The following RABGGTA variants were observed in gnomAD, a reference collection of about 807,000 sequenced individuals.
RABGGTA encodes the protein geranylgeranyl transferase type-2 subunit alpha.
In RABGGTA, 69 loss-of-function variants were observed where a neutral mutation model predicts 83.3. The observed-to-expected ratio is 0.83, with a 90% CI of 0.68 to 1.01. The LOEUF is 1.01. RABGGTA is among the 50% of genes least tolerant of loss of function. The pLI is 0.00. For synonymous variants in RABGGTA, 310 were observed against 299.8 expected, an observed-to-expected ratio of 1.03 and a Z score of -0.35; for missense variants, 681 against 712.7, an observed-to-expected ratio of 0.96 and a Z score of 0.51.
intron 15 of RABGGTA, 85 bp downstream of exon 15, chr14:24,266,691 T>A (rs1165051220): frequency 2.2e-6 from 3 of 1,355,970 alleles, no homozygotes; most frequent in Admixed American, 1.7e-5. Context: ...GTCCTGCACA[T>A]CTCCTTGTAG....
rs767542837 is a variant in RABGGTA, at chr14:24,268,710, C to T, written c.900+15G>A. 1.9e-6 allele frequency: 3 copies of T among 1,603,262 alleles called. No homozygotes were observed. The highest frequency in any genetic ancestry group is 1.7e-6 in the Non-Finnish European group (2 of 1,174,458). Reference sequence around the variant, plus strand: ...GCCCCAGACCCCAACTTCTGCCCCACCAATCCTGGGATACCCAGACATGGC... The same window carrying T: ...GCCCCAGACCCCAACTTCTGCCCCATCAATCCTGGGATACCCAGACATGGC... On this transcript the variant is annotated intron_variant, in intron 9 of 16. Coordinates refer to ENST00000216840, the MANE Select transcript of RABGGTA (RefSeq NM_182836.3).
At position 24,268,908 on chromosome 14, in the gene RABGGTA, C is replaced by T. The variant is rs1433805056; in HGVS notation, c.798+3G>A. On this transcript the variant is annotated splice_donor_region_variant and intron_variant, in intron 8 of 16. Coordinates refer to ENST00000216840, the MANE Select transcript of RABGGTA (RefSeq NM_182836.3). ...TGCTCTTGACAAAAGCTGCAGGACTCACTAAGAGGGGCCGAGAGAAGGAGA... is the reference window on the plus strand; with the variant it reads ...TGCTCTTGACAAAAGCTGCAGGACTTACTAAGAGGGGCCGAGAGAAGGAGA... The T allele has an allele frequency of 4.4e-6, 7 of 1,582,202 alleles. No individual in the cohort carries two copies. Among genetic ancestry groups the T allele is most frequent in the Non-Finnish European group, 5.2e-6 (6 of 1,163,652 alleles).
At chr14:24,268,221 G>C in intron 11 of RABGGTA, 23 bp from the exon 12 acceptor site, 1 of 1,607,380 alleles carries the variant, frequency 6.2e-7, no homozygotes, top group Non-Finnish European at 8.5e-7. Flanking sequence ...AGGGTGGGGA[G>C]GAGTTGAGGC....
Position 24,269,714 on chromosome 14 carries a change from GC to G in RABGGTA, c.428-21del. 1.2e-6 allele frequency: 2 copies of G among 1,611,668 alleles called. No individual in the cohort carries two copies. The highest frequency in any genetic ancestry group is 1.7e-6 in the Non-Finnish European group (2 of 1,178,110). The stretch of plus-strand genomic sequence containing the variant: ...AGTGAACTGGAGGGGAGAGGTGACA[GC>G]ATATCTTAGAGGCAGGGCAAGAGGA... On this transcript the variant is annotated intron_variant, in intron 5 of 16. Coordinates refer to ENST00000216840, the MANE Select transcript of RABGGTA (RefSeq NM_182836.3).
chr14:24,268,910 C>CT lies in RABGGTA; in HGVS notation c.798dup (p.Val267SerfsTer13). 1 of 1,582,624 alleles carries CT rather than the reference C, an allele frequency of 6.3e-7. No individual in the cohort carries two copies. The highest frequency in any genetic ancestry group is 8.6e-7 in the Non-Finnish European group (1 of 1,163,798). ...CTCTTGACAAAAGCTGCAGGACTCA[C>CT]TAAGAGGGGCCGAGAGAAGGAGACA... is the stretch of plus-strand genomic sequence containing the variant. On this transcript the variant is annotated frameshift_variant and splice_region_variant. Coordinates refer to ENST00000216840, the MANE Select transcript of RABGGTA (RefSeq NM_182836.3). LOFTEE classifies it high-confidence loss of function.
rs1382617166 is a variant in RABGGTA at position 24,268,799 on chromosome 14, G to T, written c.826C>A (p.Leu276Ile). The change falls in exon 9 of 17, where the codon CTC (leucine) becomes ATC (isoleucine). Residue 276 changes from leucine to isoleucine, a missense_variant. By Grantham distance (5) the Leu-to-Ile change is conservative (BLOSUM62 2). Transcript: ENST00000216840. ...ATCAGGGGAGAATCATCAACCATGAGCAGCAAGATCTCCATCCTGGAGCCC... is the reference window on the plus strand; with the variant it reads ...ATCAGGGGAGAATCATCAACCATGATCAGCAAGATCTCCATCCTGGAGCCC... ...LVGSRMEILL[L>I]MVDDSPLIVE... is the part of the protein sequence containing the mutation. 1.3e-6 allele frequency: 2 copies of T among 1,572,722 alleles called. No individual in the cohort carries two copies. The highest frequency in any genetic ancestry group is 1.7e-6 in the Non-Finnish European group (2 of 1,159,094).
chr14:24,266,485 G>C lies in RABGGTA; in HGVS notation c.1500C>G (p.Ser500=), dbSNP rs551609436. Residue 500 remains serine, a synonymous_variant, in exon 16 of 17, where the codon TCC becomes TCG. Transcript: ENST00000216840. ...VLQASDNAIE[S]LDGVTNLPRL... ...GGGGTAGGTTGGTGACGCCGTCCAG[G>C]GACTCTATGGCATTATCACTGGCCT... The C allele has an allele frequency of 1.2e-6, 2 of 1,613,992 alleles. No homozygotes were observed. Among genetic ancestry groups the C allele is most frequent in the Non-Finnish European group, 1.7e-6 (2 of 1,179,896 alleles).
intron 4 of RABGGTA, 44 bp downstream of exon 4, chr14:24,270,290 C>T (rs1260802527): frequency 1.3e-5 from 21 of 1,606,500 alleles, no homozygotes; most frequent in African/African-American, 6.7e-5. Context: ...GCAGTGCAGG[C>T]GCAGGGCCAG....
chr14:24,271,225 T>C, intron 1 of RABGGTA, 56 bp from the exon 2 acceptor site: 2 of 1,366,426 alleles, frequency 1.5e-6, no homozygotes, highest in East Asian at 2.5e-5. Context: ...CGCCCACAGC[T>C]GTGTCCGGAA....
chr14:24,270,397 T>C lies in RABGGTA; in HGVS notation c.176A>G (p.Asn59Ser). The C allele has an allele frequency of 2.5e-6, 4 of 1,613,984 alleles. No individual in the cohort carries two copies. Among genetic ancestry groups the C allele is most frequent in the Non-Finnish European group, 3.4e-6 (4 of 1,179,890 alleles). The change falls in exon 4 of 17, where the codon AAC becomes AGC. Residue 59 changes from asparagine (N) to serine (S), a missense_variant. By Grantham distance (46) the Asn-to-Ser change is conservative (BLOSUM62 1). Transcript: ENST00000216840. ...LELTSQILGA[N>S]PDFATLWNCR... ...GTTCCAGAGGGTGGCAAAATCAGGG[T>C]TGGCTCCCAGAATCTGGCTTGTCAG...
At position 24,270,008 on chromosome 14, in the gene RABGGTA, G is replaced by A; in HGVS notation, c.372C>T (p.Asn124=). The change falls in exon 5 of 17, where the codon AAC becomes AAT. Residue 124 remains asparagine, a synonymous_variant. Coordinates refer to ENST00000216840, the MANE Select transcript of RABGGTA (RefSeq NM_182836.3). ...CACAGAGCTCCAGCTCTCGGGTCCA[G>A]TTGGGCTCAGGCAGGCGGCCTAGCA... The part of the protein sequence containing the change: ...CWLLGRLPEP[N]WTRELELCAR... 1 of 1,613,758 alleles carries A rather than the reference G, an allele frequency of 6.2e-7. No individual in the cohort carries two copies. Among genetic ancestry groups the A allele is most frequent in the Non-Finnish European group, 8.5e-7 (1 of 1,179,814 alleles).
chr14:24,267,613 G>A (rs113955184), intron 14 of RABGGTA, 47 bp downstream of exon 14: 7 of 1,502,612 alleles, frequency 4.7e-6, no homozygotes, highest in African/African-American at 4.1e-5. Flanking sequence ...GACGTGGGGA[G>A]GCCAGCGGGA....
At chr14:24,268,219 G>GGC in intron 11 of RABGGTA, 21 bp from the exon 12 acceptor site, 1 of 1,032,914 alleles carries the variant, frequency 9.7e-7, no homozygotes, top group Non-Finnish European at 1.5e-6. Flanking sequence ...GCAGGGTGGG[G>GGC]AGGAGTTGAG....
chr14:24,268,175 G>A lies in RABGGTA; in HGVS notation c.1082C>T (p.Ser361Phe). The A allele has an allele frequency of 6.8e-7, 1 of 1,475,510 alleles. No homozygotes were observed. Among genetic ancestry groups the A allele is most frequent in the Non-Finnish European group, 9.2e-7 (1 of 1,086,682 alleles). The allele number at this position is 1,475,510 out of a possible 1,614,324, so 91.4% of individuals were successfully genotyped here. The stretch of plus-strand genomic sequence containing the variant: ...TTCCAGCTCAGACTGCAGCACTGTG[G>A]ACTTCTCCACTGACAGCTCACACCT... ...LFRCELSVEK[S>F]TVLQSELESC... The change falls in exon 12 of 17, where the codon TCC becomes TTC. Residue 361 changes from serine to phenylalanine, a missense_variant. Ser to Phe is a radical substitution (Grantham distance 155). This residue lies in a region of RABGGTA where 421 missense variants were observed against 418.5 expected (regional missense o/e 1.01). Transcript: ENST00000216840.
rs149057346 is a variant in RABGGTA, at chr14:24,270,945, G to A, written c.6C>T (p.His2=). 2.0e-5 allele frequency: 33 copies of A among 1,613,706 alleles called. No individual in the cohort carries two copies. The East Asian group carries it at 7.1e-4, about 35-fold the overall frequency. The part of the protein sequence containing the change: M[H]GRLKVKTSEE... Reference sequence around the variant, plus strand: ...CTGACGTCTTCACCTTCAGGCGTCCGTGCTACAAGGATGAACGGGTTGGAA... The same window carrying A: ...CTGACGTCTTCACCTTCAGGCGTCCATGCTACAAGGATGAACGGGTTGGAA... Residue 2 remains histidine (H), a splice_region_variant and synonymous_variant, in exon 3 of 17, where the codon CAC becomes CAT. Coordinates refer to ENST00000216840, the MANE Select transcript of RABGGTA (RefSeq NM_182836.3).
intron 15 of RABGGTA, 120 bp downstream of exon 15, chr14:24,266,656 C>T (rs763041822): frequency 2.7e-5 from 33 of 1,209,822 alleles, no homozygotes; most frequent in South Asian, 3.7e-5. Flanking sequence ...GTGGAAGGCA[C>T]GCAGTTACCT....
chr14:24,269,236 C>A, intron 6 of RABGGTA, 73 bp from the exon 7 acceptor site: 1 of 1,390,126 alleles, frequency 7.2e-7, no homozygotes, highest in Non-Finnish European at 1.0e-6. Context: ...ACACCCTACC[C>A]TCTCCTTGGA....
intron 2 of RABGGTA, 69 bp from the exon 3 acceptor site, chr14:24,271,016 T>C (rs2040942210): frequency 1.9e-6 from 3 of 1,600,998 alleles, no homozygotes; most frequent in Middle Eastern, 1.7e-4. Flanking sequence ...AACCCCACAC[T>C]GTGGAGCCCT....
chr14:24,268,911 TAA>T lies in RABGGTA; in HGVS notation c.796_797del (p.Leu266SerfsTer13), dbSNP rs2040908061. On this transcript the variant is annotated frameshift_variant and splice_region_variant, in exon 8 of 17. Coordinates refer to ENST00000216840, the MANE Select transcript of RABGGTA (RefSeq NM_182836.3). LOFTEE classifies it high-confidence loss of function. ...TCTTGACAAAAGCTGCAGGACTCACTAAGAGGGGCCGAGAGAAGGAGACAGTC... is the reference window on the plus strand; with the variant it reads ...TCTTGACAAAAGCTGCAGGACTCACTGAGGGGCCGAGAGAAGGAGACAGTC... The part of the protein sequence containing the change: ...CLTVSFSRPL[L>X]VGSRMEILLL... The T allele has an allele frequency of 6.3e-7, 1 of 1,583,036 alleles. No homozygotes were observed.
Sources: allele counts gnomAD v4.1 joint callset, GRCh38; gene constraint gnomAD v4.1.1; regional missense constraint gnomAD v4.1.1; transcripts MANE v1.5; gene names NCBI Gene and HGNC (gene_info 2026-07-23, HGNC 2026-07-21).